The following CRB1 variants were observed in gnomAD, a reference collection of about 807,000 sequenced individuals.
The protein encoded by CRB1 is protein crumbs homolog 1.
CRB1 carries 83 observed loss-of-function variants against 120.0 expected under a neutral mutation model. That is an observed-to-expected ratio of 0.69 (90% CI 0.58 to 0.83). The LOEUF (loss-of-function observed/expected upper bound fraction) is 0.83. CRB1 is among the 40% of genes least tolerant of loss of function. The pLI, the probability that CRB1 is intolerant of heterozygous loss-of-function variation, is 0.00. For missense variants in CRB1, 1,699 were observed against 1,687.6 expected (o/e 1.01, Z -0.12); for synonymous variants, 625 against 612.5 (o/e 1.02, Z -0.30).
At chr1:197,359,873 C>T (rs764328486) in intron 5 of CRB1, among the ~76,000 whole-genome samples, 6 of 152,038 alleles carry the variant, frequency 3.9e-5, no homozygotes, top group Non-Finnish European at 5.9e-5. Context: ...CTTATATGTG[C>T]TTGTTTGACA....
intron 5 of CRB1, among the ~76,000 whole-genome samples, chr1:197,369,449 C>A (rs1423161486): frequency 6.6e-6 from 1 of 152,084 alleles, no homozygotes; most frequent in African/African-American, 2.4e-5. Context: ...TATCCAAAAC[C>A]TCTTCCTGAG....
At chr1:197,267,613 G>T (rs561621423), upstream of CRB1, among the ~76,000 whole-genome samples, 3 of 152,234 alleles carry the variant, frequency 2.0e-5, no homozygotes, top group South Asian at 4.1e-4. Context: ...TGTTTTCATG[G>T]TGTCTAATAA....
chr1:197,312,811 A>G (rs1764792), intron 1 of CRB1, among the ~76,000 whole-genome samples: 104,939 of 151,358 alleles, frequency 0.69, 36,552 homozygotes, highest in East Asian at 0.92. Flanking sequence ...ATCCAGTTAA[A>G]TTTTTTTACA....
At chr1:197,393,491 G>A (rs1035338211) in intron 5 of CRB1, among the ~76,000 whole-genome samples, 3 of 151,450 alleles carry the variant, frequency 2.0e-5, no homozygotes, top group Non-Finnish European at 4.4e-5. Context: ...AATATGCCAG[G>A]CACTCTCATT....
intron 5 of CRB1, among the ~76,000 whole-genome samples, chr1:197,399,679 A>G (rs926948899): frequency 6.6e-6 from 1 of 152,188 alleles, no homozygotes; most frequent in African/African-American, 2.4e-5. Context: ...TCTCTGCTTC[A>G]GAGTCTCTCA....
rs1284967148 is a variant in CRB1 at position 197,319,259 on chromosome 1, T to TAAAAAAAAAAAAAAAAAAAA, written c.71-9144_71-9143insAAAAAAAAAAAAAAAAAAAA. Among the ~76,000 whole-genome samples the TAAAAAAAAAAAAAAAAAAAA allele has an allele frequency of 2.9e-4, 14 of 49,048 alleles. 3 individuals carry two copies. The highest frequency in any genetic ancestry group is 1.2e-3 in the African/African-American group (14 of 11,422). The allele number at this position is 49,048 out of a possible 152,430, so 32.2% of individuals were successfully genotyped here. ...CAACATAGTGAAACCCTGTCTCTACTAAAAAAAAAAAAAAAAAAATTAGCC... is the reference window on the plus strand; with the variant it reads ...CAACATAGTGAAACCCTGTCTCTACTAAAAAAAAAAAAAAAAAAAAAAAAAAAAAAAAAAAAAAATTAGCC... On this transcript the variant is annotated intron_variant, in intron 1 of 11. Transcript: ENST00000367400.
intron 1 of CRB1, among the ~76,000 whole-genome samples, chr1:197,318,471 C>G (rs977040822): frequency 5.3e-5 from 8 of 152,238 alleles, no homozygotes; most frequent in Middle Eastern, 3.4e-3. Context: ...AATAGAACTA[C>G]TGTATGATCC....
At chr1:197,349,288 A>C (rs1302861405) in intron 4 of CRB1, among the ~76,000 whole-genome samples, 1 of 152,158 alleles carries the variant, frequency 6.6e-6, no homozygotes. Context: ...GTATAAGTAC[A>C]CTCTATGATT....
the CRB1 span, chr1:197,222,755 CTT>C: frequency 9.7e-7 from 1 of 1,033,966 alleles, no homozygotes; most frequent in Non-Finnish European, 1.5e-6. Flanking sequence ...TTGACTTGCT[CTT>C]TCTTTCTGAA....
intron 5 of CRB1, among the ~76,000 whole-genome samples, chr1:197,415,225 C>A (rs1663917344): frequency 6.6e-6 from 1 of 152,182 alleles, no homozygotes; most frequent in Non-Finnish European, 1.5e-5. Context: ...AAATAAACAT[C>A]TTATTTCAAG....
At chr1:197,390,997 C>T (rs180888140) in intron 5 of CRB1, among the ~76,000 whole-genome samples, 1 of 152,108 alleles carries the variant, frequency 6.6e-6, no homozygotes, top group African/African-American at 2.4e-5. Flanking sequence ...AATACTTTCT[C>T]AAGAAACTAT....
At chr1:197,326,877 T>G (rs1195996560) in intron 1 of CRB1, among the ~76,000 whole-genome samples, 1 of 151,364 alleles carries the variant, frequency 6.6e-6, no homozygotes, top group African/African-American at 2.4e-5. Flanking sequence ...TGTTTCATTC[T>G]CTTTCTTAAA....
chr1:197,273,511 T>C (rs191425355), intron 1 of CRB1, among the ~76,000 whole-genome samples: 6 of 152,282 alleles, frequency 3.9e-5, no homozygotes, highest in African/African-American at 9.6e-5. Flanking sequence ...TTTGGAGTTA[T>C]GATCTCTCTC....
At chr1:197,319,188 C>T (rs1658029265) in intron 1 of CRB1, among the ~76,000 whole-genome samples, 1 of 140,646 alleles carries the variant, frequency 7.1e-6, no homozygotes, top group South Asian at 2.3e-4. Context: ...GTTTGGGGGG[C>T]TGAGGTGGGC....
At chr1:197,224,724 CCTA>C in the CRB1 span, among the ~76,000 whole-genome samples, 1 of 151,950 alleles carries the variant, frequency 6.6e-6, no homozygotes, top group Non-Finnish European at 1.5e-5. Context: ...AAGATACAGT[CCTA>C]CTTATAATAT....
chr1:197,449,208 T>C (rs1665837846), intron 11 of CRB1, among the ~76,000 whole-genome samples: 1 of 152,186 alleles, frequency 6.6e-6, no homozygotes, highest in Non-Finnish European at 1.5e-5. Flanking sequence ...CATTTTGTGA[T>C]TGGTCACCAT....
chr1:197,452,821 A>C lies in CRB1; in HGVS notation c.4005+10529A>C, dbSNP rs555413913. 4.7e-5 allele frequency among the ~76,000 whole-genome samples: 7 copies of C among 147,998 alleles called. 1 individual carries two copies. Among genetic ancestry groups the C allele is most frequent in the East Asian group, 3.9e-4 (2 of 5,178 alleles). Reference sequence around the variant, plus strand: ...ATAAAAACCTGTATGAAGTTTCCCCAAAAAATTAAAAATAGAACTATCATA... The same window carrying C: ...ATAAAAACCTGTATGAAGTTTCCCCCAAAAATTAAAAATAGAACTATCATA... On this transcript the variant is annotated intron_variant, in intron 11 of 11. Transcript: ENST00000367400.
intron 5 of CRB1, chr1:197,364,116 T>C (rs1187176213): frequency 1.6e-5 from 15 of 915,662 alleles, no homozygotes; most frequent in African/African-American, 3.3e-5. Flanking sequence ...CTGAGGCTTG[T>C]GGATGGGACA....
the CRB1 span, among the ~76,000 whole-genome samples, chr1:197,256,611 G>A: frequency 4.6e-5 from 7 of 151,888 alleles, no homozygotes; most frequent in Non-Finnish European, 7.4e-5. Flanking sequence ...GTAAAGCTAC[G>A]TGGCATGAAA....
Sources: gnomAD v4.1 joint callset for allele counts (sites outside exome capture counted in the v4.1 genomes callset) on GRCh38, gnomAD v4.1.1 for gene constraint, MANE v1.5 for transcripts, NCBI Gene and HGNC (gene_info 2026-07-23, HGNC 2026-07-21) for gene names.